Variants in SRD5A2 observed in about 807,000 individuals in gnomAD.
The protein encoded by SRD5A2 is 3-oxo-5-alpha-steroid 4-dehydrogenase 2.
In SRD5A2, 30 loss-of-function variants were observed where a neutral mutation model predicts 27.4. The observed-to-expected ratio is 1.10, with a 90% CI of 0.82 to 1.49. The LOEUF (loss-of-function observed/expected upper bound fraction) is 1.49. Among genes scored for constraint, SRD5A2 ranks in the 40% most tolerant of loss-of-function variants. The pLI, the probability that SRD5A2 is intolerant of heterozygous loss-of-function variation, is 0.00. For synonymous variants in SRD5A2, 141 were observed against 133.6 expected, an observed-to-expected ratio of 1.06 and a Z score of -0.38; for missense variants, 348 against 323.4, an observed-to-expected ratio of 1.08 and a Z score of -0.58.
chr2:31,627,114 C>A, the SRD5A2 span, among the ~76,000 whole-genome samples: 4 of 152,206 alleles, frequency 2.6e-5, no homozygotes, highest in South Asian at 6.2e-4. Flanking sequence ...GGAATGTATC[C>A]ATTTCTTCTA....
chr2:31,643,816 T>C, the SRD5A2 span, among the ~76,000 whole-genome samples: 792 of 152,308 alleles, frequency 5.2e-3, 6 homozygotes, highest in Non-Finnish European at 9.1e-3. Context: ...AAAATCCATG[T>C]GTCCATGCTG....
chr2:31,615,442 G>A, the SRD5A2 span, among the ~76,000 whole-genome samples: 4 of 152,186 alleles, frequency 2.6e-5, no homozygotes, highest in Non-Finnish European at 4.4e-5. Flanking sequence ...CTCTTGCTAT[G>A]TTTTAGCAAA....
At chr2:31,638,994 C>G in the SRD5A2 span, among the ~76,000 whole-genome samples, 2 of 151,840 alleles carry the variant, frequency 1.3e-5, no homozygotes, top group Non-Finnish European at 2.9e-5. Flanking sequence ...CTCTCTTCCC[C>G]CCTTCTTTTC....
At chr2:31,626,661 T>C in the SRD5A2 span, among the ~76,000 whole-genome samples, 1 of 152,194 alleles carries the variant, frequency 6.6e-6, no homozygotes, top group African/African-American at 2.4e-5. Flanking sequence ...ATTACATTTA[T>C]TGATCTGAGT....
At chr2:31,602,405 A>T in the SRD5A2 span, among the ~76,000 whole-genome samples, 1 of 152,278 alleles carries the variant, frequency 6.6e-6, no homozygotes, top group East Asian at 1.9e-4. Context: ...AAGAAATAAG[A>T]GAGGACGCAA....
chr2:31,634,627 G>A, the SRD5A2 span, among the ~76,000 whole-genome samples: 3 of 151,650 alleles, frequency 2.0e-5, no homozygotes, highest in African/African-American at 4.8e-5. Context: ...CATTTCTACG[G>A]GTACAGTTTA....
intron 1 of SRD5A2, among the ~76,000 whole-genome samples, chr2:31,538,858 T>C (rs1666076904): frequency 6.6e-6 from 1 of 152,252 alleles, no homozygotes; most frequent in South Asian, 2.1e-4. Flanking sequence ...CCCACAAGAA[T>C]GTATGCACCA....
chr2:31,614,761 C>A, the SRD5A2 span, among the ~76,000 whole-genome samples: 2 of 152,178 alleles, frequency 1.3e-5, no homozygotes, highest in Admixed American at 6.5e-5. Context: ...AACTTTAATT[C>A]TTGACTTCTG....
At chr2:31,568,493 G>C (rs1215778121) in intron 1 of SRD5A2, among the ~76,000 whole-genome samples, 1 of 152,158 alleles carries the variant, frequency 6.6e-6, no homozygotes, top group South Asian at 2.1e-4. Flanking sequence ...GTCTGGATGA[G>C]TCCAGAGTTT....
intron 2 of SRD5A2, among the ~76,000 whole-genome samples, chr2:31,532,393 A>G (rs922589439): frequency 6.6e-6 from 1 of 151,282 alleles, no homozygotes; most frequent in Non-Finnish European, 1.5e-5. Flanking sequence ...ACACACACAC[A>G]CACACATTCT....
At chr2:31,621,141 C>T in the SRD5A2 span, among the ~76,000 whole-genome samples, 1 of 151,534 alleles carries the variant, frequency 6.6e-6, no homozygotes, top group Non-Finnish European at 1.5e-5. Flanking sequence ...TAACATCTTC[C>T]AAAACTACAG....
rs1420490648 is a variant in SRD5A2 at position 31,580,679 on chromosome 2, G to T, written c.222C>A (p.Ser74=). The part of the protein sequence containing the change: ...PAGILARQPL[S]LFGPPGTVLL... Reference sequence around the variant, plus strand: ...GTACCGTCCCAGGTGGCCCGAAGAGGGAGAGGGGCTGCCGGGCGAGGATCC... The same window carrying T: ...GTACCGTCCCAGGTGGCCCGAAGAGTGAGAGGGGCTGCCGGGCGAGGATCC... Residue 74 remains serine (S), a synonymous_variant, in exon 1 of 5, where the codon TCC becomes TCA. Coordinates refer to ENST00000622030, the MANE Select transcript of SRD5A2 (RefSeq NM_000348.4). 5 of 1,598,514 alleles carry T rather than the reference G, an allele frequency of 3.1e-6. No individual in the cohort carries two copies. The highest frequency in any genetic ancestry group is 4.2e-6 in the Non-Finnish European group (5 of 1,177,788).
the SRD5A2 span, among the ~76,000 whole-genome samples, chr2:31,603,817 C>G: frequency 6.6e-6 from 1 of 151,966 alleles, no homozygotes; most frequent in South Asian, 2.1e-4. Flanking sequence ...ACCACATGCT[C>G]TCACTTACAT....
chr2:31,633,953 A>AT, the SRD5A2 span, among the ~76,000 whole-genome samples: 1,243 of 152,292 alleles, frequency 8.2e-3, 12 homozygotes, highest in Non-Finnish European at 0.015. Flanking sequence ...AATAAAAAAA[A>AT]TTTTTTTAAA....
At chr2:31,655,393 AC>A in the SRD5A2 span, among the ~76,000 whole-genome samples, 1 of 152,316 alleles carries the variant, frequency 6.6e-6, no homozygotes, top group East Asian at 1.9e-4. Flanking sequence ...GAGCCACTGC[AC>A]CCAGCCTGAA....
At chr2:31,651,363 T>G in the SRD5A2 span, 1 of 215,714 alleles carries the variant, frequency 4.6e-6, no homozygotes, top group Non-Finnish European at 1.1e-5. Flanking sequence ...TAAAATGACT[T>G]AGTCAGACAA....
At chr2:31,655,157 A>G in the SRD5A2 span, among the ~76,000 whole-genome samples, 1 of 152,154 alleles carries the variant, frequency 6.6e-6, no homozygotes, top group South Asian at 2.1e-4. Context: ...GCTGGAGTAC[A>G]GTGGCATGAT....
Position 31,524,597 on chromosome 2 carries a change from G to A in SRD5A2, c.*1599C>T, listed in dbSNP as rs1665731340. 4.4e-6 allele frequency: 1 copy of A among 229,478 alleles called. No individual in the cohort carries two copies. Among genetic ancestry groups the A allele is most frequent in the African/African-American group, 2.2e-5 (1 of 45,082 alleles). 14.2% of individuals were successfully genotyped at this position (229,478 alleles called of 1,614,324 possible). A position where few individuals can be genotyped will look rare whatever the true frequency, so the allele number is the denominator to read the frequency against. ...AACTGCTTAACATCCATGATTTAAA[G>A]GTATTTAATGAACAACAAAAACACT... On this transcript the variant is annotated 3_prime_UTR_variant, in exon 5 of 5. Coordinates refer to ENST00000622030, the MANE Select transcript of SRD5A2 (RefSeq NM_000348.4).
the SRD5A2 span, among the ~76,000 whole-genome samples, chr2:31,622,292 A>T: frequency 6.6e-6 from 1 of 152,146 alleles, no homozygotes; most frequent in South Asian, 2.1e-4. Context: ...CCTACACAGG[A>T]CCTGATCTCA....
Sources: allele counts gnomAD v4.1 joint callset (sites outside exome capture counted in the v4.1 genomes callset), GRCh38; gene constraint gnomAD v4.1.1; transcripts MANE v1.5; gene names NCBI Gene and HGNC (gene_info 2026-07-23, HGNC 2026-07-21).